LGALS13: variants seen among roughly 807,000 people sequenced by gnomAD.
LGALS13 encodes the protein galectin 13.
In LGALS13, 11 loss-of-function variants were observed where a neutral mutation model predicts 13.2. The ratio of observed to expected loss-of-function variants is 0.83; its 90% CI spans 0.52 to 1.38. The LOEUF is 1.38. Among genes scored for constraint, LGALS13 ranks in the 40% most tolerant of loss-of-function variants. The pLI, the probability that LGALS13 is intolerant of heterozygous loss-of-function variation, is 0.00. For synonymous variants in LGALS13, 71 were observed against 63.7 expected, an observed-to-expected ratio of 1.11 and a Z score of -0.54; for missense variants, 183 against 174.3, an observed-to-expected ratio of 1.05 and a Z score of -0.28.
chr19:39,605,147 C>A, intron 2 of LGALS13, 31 bp from the exon 3 acceptor site: 1 of 1,580,436 alleles, frequency 6.3e-7, no homozygotes, highest in African/African-American at 1.3e-5. Flanking sequence ...AGGGAGGGAC[C>A]TGCCCAACAT....
In LGALS13 at chr19:39,604,476, G is replaced by C. The variant is rs188230706; in HGVS notation, c.16-126G>C. ...GAATATGGGGCCCTGAATGCGGTAG[G>C]GTTAAAGAGGAGAGTCCACAGAGTC... On this transcript the variant is annotated intron_variant, in intron 1 of 3. Transcript: ENST00000221797. 228 of 1,036,074 alleles carry C rather than the reference G, an allele frequency of 2.2e-4. 1 individual carries two copies. The East Asian group carries it at 5.1e-3, about 23-fold the overall frequency. The allele number at this position is 1,036,074 out of a possible 1,614,324, so 64.2% of individuals were successfully genotyped here.
intron 1 of LGALS13, among the ~76,000 whole-genome samples, chr19:39,604,286 A>G (rs1201877982): frequency 6.6e-6 from 1 of 152,176 alleles, no homozygotes; most frequent in Non-Finnish European, 1.5e-5. Context: ...AACATCCTAC[A>G]AAGTAGAAAT....
chr19:39,605,103 G>A (rs1555766185), intron 2 of LGALS13, 75 bp from the exon 3 acceptor site: 1 of 1,234,610 alleles, frequency 8.1e-7, no homozygotes, highest in East Asian at 2.4e-5. Flanking sequence ...ATGGGGGAAG[G>A]GATTTGTGTG....
rs1972703175 is a variant in LGALS13 at position 39,607,162 on chromosome 19, G to A, written c.304-61G>A. 3.6e-6 allele frequency: 4 copies of A among 1,115,646 alleles called. No homozygotes were observed. In the South Asian group the frequency reaches 4.9e-5, roughly 14 times the overall value. 69.1% of individuals were successfully genotyped at this position (1,115,646 alleles called of 1,614,324 possible). On this transcript the variant is annotated intron_variant, in intron 3 of 3. Transcript: ENST00000221797. ...GTTATTTGTACCAGGACAGAGTGGA[G>A]AGGAGGCCGAAAACTTGTTTGGTGG...
Position 39,605,181 on chromosome 19 carries a change from T to A in LGALS13, c.96T>A (p.Asn32Lys). 2 of 1,614,096 alleles carry A rather than the reference T, an allele frequency of 1.2e-6. No individual in the cohort carries two copies. The highest frequency in any genetic ancestry group is 1.7e-6 in the Non-Finnish European group (2 of 1,179,924). The change falls in exon 3 of 4, where the codon AAT becomes AAA. Residue 32 changes from asparagine (N) to lysine (K), a missense_variant. Asn to Lys is a moderately conservative substitution (Grantham distance 94). Coordinates refer to ENST00000221797, the MANE Select transcript of LGALS13 (RefSeq NM_013268.3). Reference protein sequence around the residue: ...IKGTPIHSFINDPQLQVDFYT... With the variant: ...IKGTPIHSFIKDPQLQVDFYT... ...ATTCTGCGTGCTTCACCCTCAGCAA[T>A]GACCCACAGCTGCAGGTGGATTTCT...
chr19:39,603,193 A>T (rs1972628610), intron 1 of LGALS13, among the ~76,000 whole-genome samples: 1 of 152,110 alleles, frequency 6.6e-6, no homozygotes, highest in Admixed American at 6.5e-5. Flanking sequence ...CCAAGGACTT[A>T]TTTCAGATCA....
In LGALS13 at chr19:39,604,676, T is replaced by C. The variant is rs756681460; in HGVS notation, c.90T>C (p.Phe30=). The C allele has an allele frequency of 1.9e-6, 3 of 1,614,176 alleles. No homozygotes were observed. The highest frequency in any genetic ancestry group is 2.5e-6 in the Non-Finnish European group (3 of 1,180,006). The change falls in exon 2 of 4, where the codon TTT becomes TTC. Residue 30 remains phenylalanine (F), a splice_region_variant and synonymous_variant. Transcript: ENST00000221797. ...TCAAAGGGACACCAATCCACTCTTTTATGTGAGTACTCCATGGTCCAATGG... is the reference window on the plus strand; with the variant it reads ...TCAAAGGGACACCAATCCACTCTTTCATGTGAGTACTCCATGGTCCAATGG... ...VIIKGTPIHS[F]INDPQLQVDF...
At chr19:39,606,582 A>G (rs930013043) in intron 3 of LGALS13, among the ~76,000 whole-genome samples, 3 of 152,220 alleles carry the variant, frequency 2.0e-5, no homozygotes, top group Admixed American at 6.5e-5. Context: ...CTATAGCCTC[A>G]ATATAAAGAA....
chr19:39,607,181 T>C lies in LGALS13; in HGVS notation c.304-42T>C, dbSNP rs564970547. The C allele has an allele frequency of 3.2e-5, 47 of 1,471,162 alleles. No individual in the cohort carries two copies. In the South Asian group the frequency reaches 4.9e-4, roughly 15 times the overall value. The allele number at this position is 1,471,162 out of a possible 1,614,324, so 91.1% of individuals were successfully genotyped here. A position where few individuals can be genotyped will look rare whatever the true frequency, so the allele number is the denominator to read the frequency against. On this transcript the variant is annotated intron_variant, in intron 3 of 3. Transcript: ENST00000221797. ...AGTGGAGAGGAGGCCGAAAACTTGT[T>C]TGGTGGCATGCTTTCTTTCTGATGC... is the stretch of plus-strand genomic sequence containing the variant.
intron 3 of LGALS13, among the ~76,000 whole-genome samples, chr19:39,606,838 A>G (rs1239088918): frequency 1.3e-5 from 2 of 152,212 alleles, no homozygotes; most frequent in African/African-American, 4.8e-5. Context: ...CAGTTCATGG[A>G]ACTGAAAAGT....
At chr19:39,603,981 C>A in intron 1 of LGALS13, 1 of 985,356 alleles carries the variant, frequency 1.0e-6, no homozygotes, top group Non-Finnish European at 1.2e-6. Context: ...AGTGTGTGCC[C>A]CTTCTTGGAA....
At chr19:39,607,128 T>C in intron 3 of LGALS13, 95 bp from the exon 4 acceptor site, 1 of 853,002 alleles carries the variant, frequency 1.2e-6, no homozygotes, top group Non-Finnish European at 2.1e-6. Flanking sequence ...AGGAATTTTC[T>C]TGGGGAATGT....
chr19:39,605,176 A>G lies in LGALS13; in HGVS notation c.93-2A>G. On this transcript the variant is annotated splice_acceptor_variant, in intron 2 of 3. Coordinates refer to ENST00000221797, the MANE Select transcript of LGALS13 (RefSeq NM_013268.3). LOFTEE classifies it high-confidence loss of function. ...CCAACATTCTGCGTGCTTCACCCTC[A>G]GCAATGACCCACAGCTGCAGGTGGA... 1 of 1,613,852 alleles carries G rather than the reference A, an allele frequency of 6.2e-7. No homozygotes were observed. The highest frequency in any genetic ancestry group is 8.5e-7 in the Non-Finnish European group (1 of 1,179,762).
At chr19:39,604,462 C>T in intron 1 of LGALS13, 140 bp from the exon 2 acceptor site, 1 of 919,280 alleles carries the variant, frequency 1.1e-6, no homozygotes, top group African/African-American at 1.6e-5. Context: ...AATATGGGGC[C>T]CTGAATGCGG....
At chr19:39,604,152 T>G (rs1335850768) in intron 1 of LGALS13, 5 of 307,480 alleles carry the variant, frequency 1.6e-5, no homozygotes, top group South Asian at 1.3e-4. Context: ...TTTTCAGAGT[T>G]GAAAATGAAG....
chr19:39,603,979 C>A, intron 1 of LGALS13: 1 of 985,362 alleles, frequency 1.0e-6, no homozygotes, highest in Non-Finnish European at 1.2e-6. Flanking sequence ...GTAGTGTGTG[C>A]CCCTTCTTGG....
chr19:39,603,700 T>C (rs916484882), intron 1 of LGALS13, among the ~76,000 whole-genome samples: 1 of 151,938 alleles, frequency 6.6e-6, no homozygotes, highest in Non-Finnish European at 1.5e-5. Flanking sequence ...ACTTTAAATA[T>C]TTGACTGGCA....
chr19:39,604,839 A>G (rs1188813479), intron 2 of LGALS13, among the ~76,000 whole-genome samples, 161 bp downstream of exon 2: 1 of 152,232 alleles, frequency 6.6e-6, no homozygotes, highest in Non-Finnish European at 1.5e-5. Context: ...CATGAGACCC[A>G]CAGCAACTGC....
At chr19:39,605,447 G>C in intron 3 of LGALS13, 59 bp downstream of exon 3, 1 of 1,406,656 alleles carries the variant, frequency 7.1e-7, no homozygotes, top group Non-Finnish European at 1.0e-6. Context: ...ACAGGAGGCA[G>C]CTCTCATTGA....
Sources: gnomAD v4.1 joint callset for allele counts (sites outside exome capture counted in the v4.1 genomes callset) on GRCh38, gnomAD v4.1.1 for gene constraint, MANE v1.5 for transcripts, NCBI Gene and HGNC (gene_info 2026-07-23, HGNC 2026-07-21) for gene names.